Variants in OR3A2 observed in about 807,000 individuals in gnomAD.
The protein encoded by OR3A2 is olfactory receptor family 3 subfamily A member 2, also known as olfactory receptor 3A2.
For synonymous variants in OR3A2, 126 were observed against 159.3 expected, an observed-to-expected ratio of 0.79 and a Z score of 1.57; for missense variants, 318 against 392.8, an observed-to-expected ratio of 0.81 and a Z score of 1.61.
At chr17:3,291,973 C>A (rs1383121692) in intron 3 of OR3A2, 9 of 1,614,034 alleles carry the variant, frequency 5.6e-6, no homozygotes, top group Non-Finnish European at 6.8e-6. Flanking sequence ...AAACCCACAG[C>A]AAAAAGCAGC....
chr17:3,280,765 C>T (rs561430352), intron 1 of OR3A2, among the ~76,000 whole-genome samples: 1 of 152,138 alleles, frequency 6.6e-6, no homozygotes, highest in African/African-American at 2.4e-5. Flanking sequence ...AATGCAGAGG[C>T]AGGAATGATT....
At chr17:3,329,840 TG>T (rs1338299590) in intron 3 of OR3A2, among the ~76,000 whole-genome samples, 4 of 119,218 alleles carry the variant, frequency 3.4e-5, no homozygotes, top group African/African-American at 1.6e-4. Flanking sequence ...CTTTCTCTTG[TG>T]GGCATTTAGT....
At chr17:3,281,423 A>T (rs2048776139) in intron 1 of OR3A2, among the ~76,000 whole-genome samples, 1 of 151,956 alleles carries the variant, frequency 6.6e-6, no homozygotes, top group African/African-American at 2.4e-5. Context: ...TTTAGTAGAG[A>T]TGGGGTTTCA....
At chr17:3,291,785 AC>A in intron 3 of OR3A2, 2 of 1,613,738 alleles carry the variant, frequency 1.2e-6, no homozygotes, top group Non-Finnish European at 1.7e-6. Flanking sequence ...GCTTGGTTGA[AC>A]CCAGTCGCAT....
intron 2 of OR3A2, among the ~76,000 whole-genome samples, chr17:3,346,149 A>G (rs2049362211): frequency 6.6e-6 from 1 of 152,224 alleles, no homozygotes; most frequent in African/African-American, 2.4e-5. Context: ...TTCACTTAAC[A>G]TAATGTCCTC....
chr17:3,286,796 T>A (rs981439302), upstream of OR3A2, among the ~76,000 whole-genome samples: 3 of 152,220 alleles, frequency 2.0e-5, no homozygotes, highest in Non-Finnish European at 2.9e-5. Flanking sequence ...TTTGTTTAAG[T>A]TCTTTGTAGA....
intron 3 of OR3A2, among the ~76,000 whole-genome samples, chr17:3,324,110 A>G (rs1414726029): frequency 1.3e-5 from 2 of 151,732 alleles, no homozygotes; most frequent in East Asian, 1.9e-4. Context: ...CATTCATTTC[A>G]TCTTCCATCA....
chr17:3,325,998 C>G (rs1026365912), intron 3 of OR3A2, among the ~76,000 whole-genome samples: 1 of 151,990 alleles, frequency 6.6e-6, no homozygotes, highest in Non-Finnish European at 1.5e-5. Context: ...TGTCCATGTG[C>G]TCTCATAGTT....
chr17:3,320,665 G>C (rs942382823), intron 3 of OR3A2, among the ~76,000 whole-genome samples: 2 of 151,740 alleles, frequency 1.3e-5, no homozygotes, highest in Non-Finnish European at 2.9e-5. Context: ...GTTTTCTCAG[G>C]TTTGTCAAAG....
At chr17:3,345,493 G>C (rs1369739991) in intron 2 of OR3A2, among the ~76,000 whole-genome samples, 1 of 151,354 alleles carries the variant, frequency 6.6e-6, no homozygotes, top group Non-Finnish European at 1.5e-5. Flanking sequence ...GAGGGCAGAA[G>C]AACAACAAAA....
At chr17:3,293,183 G>A (rs1003316439) in intron 3 of OR3A2, among the ~76,000 whole-genome samples, 4 of 151,050 alleles carry the variant, frequency 2.6e-5, no homozygotes, top group Non-Finnish European at 5.9e-5. Flanking sequence ...GTAGGGGGAG[G>A]CAATCAACAA....
intron 2 of OR3A2, among the ~76,000 whole-genome samples, chr17:3,342,723 G>T (rs1227314696): frequency 6.6e-6 from 1 of 152,236 alleles, no homozygotes; most frequent in East Asian, 1.9e-4. Flanking sequence ...TCCAAGTTAG[G>T]CTACCTGGGG....
At chr17:3,315,889 TG>T (rs2049079457) in intron 3 of OR3A2, among the ~76,000 whole-genome samples, 1 of 152,092 alleles carries the variant, frequency 6.6e-6, no homozygotes, top group Non-Finnish European at 1.5e-5. Context: ...AAGCCCACCT[TG>T]TTCACTTGAT....
chr17:3,284,798 T>A (rs933818399), upstream of OR3A2, among the ~76,000 whole-genome samples: 2 of 142,516 alleles, frequency 1.4e-5, no homozygotes, highest in African/African-American at 2.8e-5. Flanking sequence ...GAGGTGCAGC[T>A]GGAGACTCTA....
At chr17:3,335,105 G>A (rs776942336) in intron 3 of OR3A2, among the ~76,000 whole-genome samples, 14 of 151,992 alleles carry the variant, frequency 9.2e-5, no homozygotes, top group Admixed American at 2.0e-4. Context: ...TGTTAAATAT[G>A]TTTTCATTTG....
At chr17:3,323,106 T>A (rs2049139254) in intron 3 of OR3A2, among the ~76,000 whole-genome samples, 1 of 152,184 alleles carries the variant, frequency 6.6e-6, no homozygotes, top group Admixed American at 6.5e-5. Context: ...GTTGAATTGA[T>A]CCCTTTACCG....
At chr17:3,369,670 T>C (rs1055589247) in intron 2 of OR3A2, among the ~76,000 whole-genome samples, 6 of 152,170 alleles carry the variant, frequency 3.9e-5, no homozygotes, top group Non-Finnish European at 8.8e-5. Context: ...TAAGTTCATC[T>C]AGGATATTGG....
chr17:3,383,977 TGAATAAATATTGTATA>T (rs1277993843), intron 1 of OR3A2: 4 of 43,932 alleles, frequency 9.1e-5, no homozygotes, highest in East Asian at 4.7e-3. Context: ...AAATATTTAT[TGAATAAATATTGTATA>T]CAATATTTAT....
chr17:3,350,826 T>A (rs777005082), intron 2 of OR3A2, among the ~76,000 whole-genome samples: 1 of 145,914 alleles, frequency 6.9e-6, no homozygotes, highest in Non-Finnish European at 1.5e-5. Flanking sequence ...ATCAAAAAGC[T>A]TATCCACCAT....
Sources: allele counts gnomAD v4.1 joint callset (sites outside exome capture counted in the v4.1 genomes callset), GRCh38; gene constraint gnomAD v4.1.1; transcripts MANE v1.5; gene names NCBI Gene and HGNC (gene_info 2026-07-23, HGNC 2026-07-21).